The following DENND2B variants were observed in gnomAD, a reference collection of about 807,000 sequenced individuals.
DENND2B encodes the protein DENN domain-containing protein 2B.
Under a neutral mutation model 116.0 loss-of-function variants are expected in DENND2B, and 32 were observed. The ratio of observed to expected loss-of-function variants is 0.28; its 90% confidence interval spans 0.21 to 0.37. DENND2B has a LOEUF of 0.37. Ranked by LOEUF, DENND2B falls within the 10% of genes least tolerant of loss-of-function variation. The pLI is 1.00. For missense variants in DENND2B, 1,276 were observed against 1,477.7 expected (o/e 0.86, Z 2.24); for synonymous variants, 588 against 583.9 (o/e 1.01, Z -0.10).
chr11:8,724,433 G>A (rs963622744), intron 4 of DENND2B, among the ~76,000 whole-genome samples: 2 of 152,176 alleles, frequency 1.3e-5, no homozygotes, highest in East Asian at 3.8e-4. Context: ...CAGGGACATA[G>A]AGAGGGAGCC....
intron 2 of DENND2B, among the ~76,000 whole-genome samples, chr11:8,733,413 C>T (rs941421367): frequency 5.3e-5 from 8 of 152,156 alleles, no homozygotes; most frequent in African/African-American, 1.9e-4. Flanking sequence ...TTTATTCATT[C>T]GACAAATACT....
chr11:8,721,014 C>T (rs551706526), intron 4 of DENND2B, among the ~76,000 whole-genome samples: 1 of 152,274 alleles, frequency 6.6e-6, no homozygotes, highest in Admixed American at 6.5e-5. Flanking sequence ...GGACAGTCCA[C>T]ATGACCCTTG....
At position 8,865,021 on chromosome 11, in the gene DENND2B, C is replaced by T. The variant is rs192131124; in HGVS notation, c.-250+5933G>A. Among the ~76,000 whole-genome samples, 8 of 152,308 alleles carry T rather than the reference C, an allele frequency of 5.3e-5. No individual in the cohort carries two copies. In the East Asian group the frequency reaches 1.4e-3, roughly 26 times the overall value. ...ACATTAACAAACAGGGACAAATTCCCAGCATATTCTAATTACTATGACCTT... is the reference window on the plus strand; with the variant it reads ...ACATTAACAAACAGGGACAAATTCCTAGCATATTCTAATTACTATGACCTT... On this transcript the variant is annotated intron_variant, in intron 2 of 6. Transcript: ENST00000524757.
chr11:8,696,797 T>A, intron 17 of DENND2B, 131 bp from the exon 18 acceptor site: 2 of 1,403,908 alleles, frequency 1.4e-6, no homozygotes, highest in Non-Finnish European at 1.9e-6. Context: ...TGGAAGCTCT[T>A]TTTGAGACCG....
At chr11:8,811,192 G>T (rs1224316907), upstream of DENND2B, 21 of 398,028 alleles carry the variant, frequency 5.3e-5, no homozygotes, top group Non-Finnish European at 9.3e-5. Context: ...GCAGCAGTTG[G>T]GGCGGAAATG....
Position 8,905,281 on chromosome 11 carries a change from A to G in DENND2B, c.-256+5540T>C, listed in dbSNP as rs2064221863. 2.6e-5 allele frequency among the ~76,000 whole-genome samples: 4 copies of G among 152,340 alleles called. 1 individual carries two copies. In the South Asian group the frequency reaches 8.3e-4, roughly 32 times the overall value. On this transcript the variant is annotated intron_variant, in intron 1 of 22. Transcript: ENST00000534127. Reference sequence around the variant, plus strand: ...GATTTTTGACAAAGTTGCCAAGGGAATTTAATGAGAAAAGGATAGTCTTTT... The same window carrying G: ...GATTTTTGACAAAGTTGCCAAGGGAGTTTAATGAGAAAAGGATAGTCTTTT...
At chr11:8,718,757 C>A (rs758268571) in intron 4 of DENND2B, 66 of 1,050,714 alleles carry the variant, frequency 6.3e-5, no homozygotes, top group Non-Finnish European at 7.1e-5. Flanking sequence ...ATTGGCATTA[C>A]CAGAAAATCT....
In DENND2B at chr11:8,702,091, A is replaced by C. The variant is rs2041808500; in HGVS notation, c.2720+481T>G. 6.6e-6 allele frequency among the ~76,000 whole-genome samples: 1 copy of C among 151,704 alleles called. No homozygotes were observed. Among genetic ancestry groups the C allele is most frequent in the South Asian group, 2.1e-4 (1 of 4,808 alleles). On this transcript the variant is annotated intron_variant, in intron 14 of 19. Coordinates refer to ENST00000313726, the MANE Select transcript of DENND2B (RefSeq NM_213618.2). This position sits in a 1 kb window ranked among gnomAD's most constrained non-coding sequence, Gnocchi z 4.6. ...CCACTGCAGTTGCCTTCTCCAGGGGACACCCTCCACAGGACCCTCGCTGGC... is the reference window on the plus strand; with the variant it reads ...CCACTGCAGTTGCCTTCTCCAGGGGCCACCCTCCACAGGACCCTCGCTGGC...
chr11:8,741,662 T>C (rs1256283063), intron 2 of DENND2B, among the ~76,000 whole-genome samples: 1 of 152,202 alleles, frequency 6.6e-6, no homozygotes, highest in Non-Finnish European at 1.5e-5. Context: ...ATACAAGTGA[T>C]GTGGTGCTAC....
At chr11:8,784,873 A>C (rs2058748083) in intron 1 of DENND2B, among the ~76,000 whole-genome samples, 1 of 152,106 alleles carries the variant, frequency 6.6e-6, no homozygotes, top group South Asian at 2.1e-4. Flanking sequence ...AGTGAGAAAA[A>C]AAGTGGGCTG....
chr11:8,829,150 G>T, intron 4 of DENND2B, among the ~76,000 whole-genome samples: 1 of 151,382 alleles, frequency 6.6e-6, no homozygotes, highest in Non-Finnish European at 1.5e-5. Flanking sequence ...TGTGTGGTGT[G>T]TGTGTGGTGT....
chr11:8,707,664 G>C lies in DENND2B; in HGVS notation c.2430+113C>G. On this transcript the variant is annotated intron_variant, in intron 12 of 19. Coordinates refer to ENST00000313726, the MANE Select transcript of DENND2B (RefSeq NM_213618.2). The surrounding 1 kb of genome is among the most constrained non-coding windows in gnomAD (Gnocchi z 4.8). ...TCACTGGTACTTGTTCCTGCATTCT[G>C]TCTCCCGCTCGCTCACAGTCACAGG... The C allele has an allele frequency of 2.0e-6, 2 of 1,015,518 alleles. No individual in the cohort carries two copies. The highest frequency in any genetic ancestry group is 2.9e-6 in the Non-Finnish European group (2 of 687,524). The allele number at this position is 1,015,518 out of a possible 1,614,324, so 62.9% of individuals were successfully genotyped here. A position where few individuals can be genotyped will look rare whatever the true frequency, so the allele number is the denominator to read the frequency against.
chr11:8,717,853 A>G lies in DENND2B; in HGVS notation c.1517T>C (p.Leu506Ser). Residue 506 changes from leucine (L) to serine (S), a missense_variant, in exon 5 of 20, where the codon TTA (leucine) becomes TCA (serine). Around this residue, in one of 2 missense-constraint regions of DENND2B, gnomAD observed 856 missense variants for 846.6 expected, o/e 1.01. Coordinates refer to ENST00000313726, the MANE Select transcript of DENND2B (RefSeq NM_213618.2). Reference protein sequence around the residue: ...PKENPYEDVDLKSRRAGRKSQ... With the variant: ...PKENPYEDVDSKSRRAGRKSQ... Reference sequence around the variant, plus strand: ...TTTTCGTCCTGCTCTTCGGCTCTTTAAGTCCACATCCTCATATGGATTCTC... The same window carrying G: ...TTTTCGTCCTGCTCTTCGGCTCTTTGAGTCCACATCCTCATATGGATTCTC... 1 of 1,613,258 alleles carries G rather than the reference A, an allele frequency of 6.2e-7. No individual in the cohort carries two copies. The highest frequency in any genetic ancestry group is 8.5e-7 in the Non-Finnish European group (1 of 1,179,546).
At chr11:8,897,182 G>A (rs994370512) in intron 1 of DENND2B, among the ~76,000 whole-genome samples, 18 of 152,016 alleles carry the variant, frequency 1.2e-4, no homozygotes, top group South Asian at 8.3e-4. Context: ...ACTTGAACCC[G>A]GGAGGCAGAG....
intron 2 of DENND2B, among the ~76,000 whole-genome samples, chr11:8,735,328 C>A (rs867412428): frequency 6.6e-6 from 1 of 152,196 alleles, no homozygotes; most frequent in Non-Finnish European, 1.5e-5. Flanking sequence ...CAGCCTACAA[C>A]TGCCTGACTC....
chr11:8,901,378 T>C (rs1461921063), intron 1 of DENND2B, among the ~76,000 whole-genome samples: 3 of 151,580 alleles, frequency 2.0e-5, no homozygotes, highest in Non-Finnish European at 1.5e-5. Context: ...TACAGGTGCA[T>C]GCCACCACAT....
intron 6 of DENND2B, among the ~76,000 whole-genome samples, chr11:8,715,131 A>G (rs2044494002): frequency 6.6e-6 from 1 of 152,220 alleles, no homozygotes; most frequent in South Asian, 2.1e-4. Flanking sequence ...TAAATTCCCA[A>G]TATACCCAAG....
Position 8,712,838 on chromosome 11 carries a change from G to C in DENND2B, c.1988-103C>G. On this transcript the variant is annotated intron_variant, in intron 8 of 19. Transcript: ENST00000313726. The surrounding 1 kb of genome is among the most constrained non-coding windows in gnomAD (Gnocchi z 4.4). The stretch of plus-strand genomic sequence containing the variant: ...ATTGCTGTGGAGCACTTTTAAGTAC[G>C]TGAGCCTAGTCTGATACCATCCCCA... 3 of 1,238,276 alleles carry C rather than the reference G, an allele frequency of 2.4e-6. No individual in the cohort carries two copies. The highest frequency in any genetic ancestry group is 3.3e-6 in the Non-Finnish European group (3 of 906,052). 76.7% of individuals were successfully genotyped at this position (1,238,276 alleles called of 1,614,324 possible). A position where few individuals can be genotyped will look rare whatever the true frequency, so the allele number is the denominator to read the frequency against.
chr11:8,786,667 G>C (rs2058933097), intron 1 of DENND2B, among the ~76,000 whole-genome samples: 1 of 152,120 alleles, frequency 6.6e-6, no homozygotes, highest in Non-Finnish European at 1.5e-5. Flanking sequence ...AAAATTAGCT[G>C]GGCATGGTGG....
Sources: gnomAD v4.1 joint callset for allele counts (sites outside exome capture counted in the v4.1 genomes callset) on GRCh38, gnomAD v4.1.1 for gene constraint, gnomAD v4.1.1 regional missense constraint, Gnocchi (gnomAD v3.1) non-coding constraint, MANE v1.5 for transcripts, NCBI Gene and HGNC (gene_info 2026-07-23, HGNC 2026-07-21) for gene names.